The following LAP3 variants were observed in gnomAD, a reference collection of about 807,000 sequenced individuals.
LAP3 encodes leucine aminopeptidase 3.
LAP3 carries 46 observed loss-of-function variants against 58.8 expected under a neutral mutation model. The observed-to-expected ratio is 0.78, with a 90% CI of 0.62 to 1.00. The LOEUF (loss-of-function observed/expected upper bound fraction) is 1.00, where lower values mean the gene tolerates loss of function less well. Ranked by LOEUF, LAP3 falls within the 50% of genes least tolerant of loss-of-function variation. The pLI is 0.00. For missense variants in LAP3, 615 were observed against 659.1 expected (o/e 0.93, Z 0.73); for synonymous variants, 257 against 237.7 (o/e 1.08, Z -0.75).
chr4:17,577,345 C>G lies in LAP3; in HGVS notation c.-121C>G, dbSNP rs1713222358. The G allele has an allele frequency of 6.9e-6, 4 of 576,326 alleles. No individual in the cohort carries two copies. The highest frequency in any genetic ancestry group is 1.1e-5 in the Non-Finnish European group (4 of 380,462). The allele number at this position is 576,326 out of a possible 1,614,324, so 35.7% of individuals were successfully genotyped here. ...CCCCCTAGACGCACGTCCGCTCGCCCGGCGCCCGAGCCAGTCCGCGCGCAC... is the reference window on the plus strand; with the variant it reads ...CCCCCTAGACGCACGTCCGCTCGCCGGGCGCCCGAGCCAGTCCGCGCGCAC... On this transcript the variant is annotated 5_prime_UTR_variant, in exon 1 of 13. Coordinates refer to ENST00000226299, the MANE Select transcript of LAP3 (RefSeq NM_015907.3).
At chr4:17,603,184 CT>C (rs1714022617) in intron 10 of LAP3, among the ~76,000 whole-genome samples, 1 of 151,764 alleles carries the variant, frequency 6.6e-6, no homozygotes, top group Middle Eastern at 3.4e-3. Flanking sequence ...TGGCATGTGC[CT>C]GTAGTCCCAG....
intron 5 of LAP3, 119 bp downstream of exon 5, chr4:17,583,761 TC>T: frequency 9.7e-7 from 1 of 1,031,478 alleles, no homozygotes; most frequent in Non-Finnish European, 1.5e-6. Context: ...GGCTGTGACC[TC>T]CCCATTGCCT....
At chr4:17,581,907 G>A (rs1713374315) in intron 3 of LAP3, 93 bp downstream of exon 3, 7 of 1,021,804 alleles carry the variant, frequency 6.9e-6, no homozygotes, top group Non-Finnish European at 1.1e-5. Context: ...AACATTATGT[G>A]TTGGATTGTA....
Position 17,607,527 on chromosome 4 carries a change from A to G in LAP3, c.1498A>G (p.Thr500Ala), listed in dbSNP as rs1714173070. Residue 500 changes from threonine (T) to alanine (A), a missense_variant, in exon 13 of 13, where the codon ACT becomes GCT. Thr to Ala is a moderately conservative substitution (Grantham distance 58, BLOSUM62 0). Coordinates refer to ENST00000226299, the MANE Select transcript of LAP3 (RefSeq NM_015907.3). ...AGTTCCCTATCTACGGAAAGGCATG[A>G]CTGGGAGGCCCACAAGGACTCTCAT... ...DEVPYLRKGM[T>A]GRPTRTLIEF... The G allele has an allele frequency of 6.2e-7, 1 of 1,614,010 alleles. No homozygotes were observed. The highest frequency in any genetic ancestry group is 8.5e-7 in the Non-Finnish European group (1 of 1,180,042).
intron 2 of LAP3, 33 bp downstream of exon 2, chr4:17,579,972 G>A: frequency 1.6e-6 from 2 of 1,226,078 alleles, no homozygotes; most frequent in Non-Finnish European, 2.4e-6. Context: ...AGTTCTTAAA[G>A]TGCCCCCAAA....
In LAP3 at chr4:17,607,854, GTA is replaced by G. The variant is rs1714184863; in HGVS notation, c.*269_*270del. 7.3e-6 allele frequency: 2 copies of G among 274,802 alleles called. No homozygotes were observed. Among genetic ancestry groups the G allele is most frequent in the Middle Eastern group, 1.1e-3 (1 of 896 alleles). 17.0% of individuals were successfully genotyped at this position (274,802 alleles called of 1,614,324 possible). A position where few individuals can be genotyped will look rare whatever the true frequency, so the allele number is the denominator to read the frequency against. On this transcript the variant is annotated 3_prime_UTR_variant, in exon 13 of 13. Transcript: ENST00000226299. The stretch of plus-strand genomic sequence containing the variant: ...TAGAACTTCCTAATCACTTTTCAGA[GTA>G]TATGTTTTTCATTGAGAAGCAAAAT...
chr4:17,604,155 C>G (rs1020982042), intron 10 of LAP3, among the ~76,000 whole-genome samples: 1 of 151,828 alleles, frequency 6.6e-6, no homozygotes, highest in African/African-American at 2.4e-5. Context: ...ACCTGTAATT[C>G]CAGCTACTCA....
At chr4:17,595,557 T>C in intron 8 of LAP3, 23 bp downstream of exon 8, 1 of 1,610,814 alleles carries the variant, frequency 6.2e-7, no homozygotes, top group South Asian at 1.1e-5. Context: ...ACGGATTACA[T>C]CTCATAACGC....
At chr4:17,599,305 G>A (rs1560347952) in intron 10 of LAP3, among the ~76,000 whole-genome samples, 2 of 152,120 alleles carry the variant, frequency 1.3e-5, no homozygotes, top group Non-Finnish European at 2.9e-5. Flanking sequence ...TTGGGAGTCC[G>A]AGGCAGATGG....
chr4:17,600,840 G>A lies in LAP3; in HGVS notation c.1180+2282G>A, dbSNP rs115329652. On this transcript the variant is annotated intron_variant, in intron 10 of 12. Transcript: ENST00000226299. ...AACTTGTCCTAACTTTTAATAGCAC[G>A]TTAAAAGTTGGACTAGGCTTTAGTT... 6.6e-4 allele frequency among the ~76,000 whole-genome samples: 101 copies of A among 152,262 alleles called. 2 individuals carry two copies. Among genetic ancestry groups the A allele is most frequent in the Non-Finnish European group, 1.3e-3 (87 of 68,026 alleles).
At chr4:17,595,366 A>G (rs752108165) in intron 7 of LAP3, 44 bp from the exon 8 acceptor site, 2 of 1,598,892 alleles carry the variant, frequency 1.3e-6, no homozygotes, top group South Asian at 2.2e-5. Context: ...GATTTTGGCC[A>G]TCTTCTTTGC....
At chr4:17,603,747 C>T (rs1577225902) in intron 10 of LAP3, among the ~76,000 whole-genome samples, 1 of 151,820 alleles carries the variant, frequency 6.6e-6, no homozygotes, top group African/African-American at 2.4e-5. Flanking sequence ...CTCCCAACCT[C>T]AGGTGATCCA....
intron 2 of LAP3, among the ~76,000 whole-genome samples, chr4:17,580,185 T>A (rs1356017335): frequency 3.1e-5 from 1 of 32,076 alleles, no homozygotes; most frequent in South Asian, 8.4e-4. Context: ...TATATATGTA[T>A]TTTTTTTTTT....
At chr4:17,599,975 C>T (rs1027393828) in intron 10 of LAP3, among the ~76,000 whole-genome samples, 1 of 152,102 alleles carries the variant, frequency 6.6e-6, no homozygotes, top group Non-Finnish European at 1.5e-5. Context: ...TTGAAAGCCT[C>T]TTTAATACAG....
At chr4:17,597,186 C>A in intron 9 of LAP3, 52 bp downstream of exon 9, 1 of 1,466,214 alleles carries the variant, frequency 6.8e-7, no homozygotes, top group Non-Finnish European at 9.6e-7. Context: ...TCAGGAATCC[C>A]GTGGTGGCCA....
rs768704435 is a variant in LAP3 at position 17,582,283 on chromosome 4, G to T, written c.274-5G>T. ...AGTGGTTGATTTGGTGTATCTGTGG[G>T]ACAGGACTTCCCCAGCGTGGTGCTA... On this transcript the variant is annotated splice_region_variant and splice_polypyrimidine_tract_variant and intron_variant, in intron 3 of 12. Transcript: ENST00000226299. 2.5e-6 allele frequency: 4 copies of T among 1,612,514 alleles called. No homozygotes were observed. The highest frequency in any genetic ancestry group is 2.2e-5 in the South Asian group (2 of 91,004).
At chr4:17,604,754 T>C in intron 11 of LAP3, 87 bp downstream of exon 11, 1 of 1,017,396 alleles carries the variant, frequency 9.8e-7, no homozygotes, top group Non-Finnish European at 1.5e-6. Context: ...CAACCCTGTG[T>C]TAAAGTGATT....
intron 7 of LAP3, among the ~76,000 whole-genome samples, chr4:17,589,754 C>G (rs1489911930): frequency 6.6e-6 from 1 of 152,228 alleles, no homozygotes; most frequent in East Asian, 1.9e-4. Context: ...CCATTGTGCT[C>G]TGCCTAAAGT....
In LAP3 at chr4:17,606,851, G is replaced by A. The variant is rs753805896; in HGVS notation, c.1283G>A (p.Arg428His). 1.2e-5 allele frequency: 20 copies of A among 1,612,334 alleles called. No homozygotes were observed. The highest frequency in any genetic ancestry group is 1.5e-5 in the Non-Finnish European group (18 of 1,179,700). ...LFEASIETGD[R>H]VWRMPLFEHY... ...TAGGCCAGCATTGAAACAGGGGACC[G>A]TGTCTGGAGGATGCCTCTCTTCGAA... The change falls in exon 12 of 13, where the codon CGT becomes CAT. Residue 428 changes from arginine to histidine, a missense_variant. Arg to His is a conservative substitution (Grantham distance 29, BLOSUM62 0). Coordinates refer to ENST00000226299, the MANE Select transcript of LAP3 (RefSeq NM_015907.3).
Sources: gnomAD v4.1 joint callset for allele counts (sites outside exome capture counted in the v4.1 genomes callset) on GRCh38, gnomAD v4.1.1 for gene constraint, MANE v1.5 for transcripts, NCBI Gene and HGNC (gene_info 2026-07-23, HGNC 2026-07-21) for gene names.